ANKRD31: variants seen among roughly 807,000 people sequenced by gnomAD.
ANKRD31 encodes ankyrin repeat domain-containing protein 31.
In ANKRD31, 147 loss-of-function variants were observed where a neutral mutation model predicts 186.0. That is an observed-to-expected ratio of 0.79 (90% CI 0.69 to 0.91). The LOEUF is 0.91. ANKRD31 is among the 40% of genes least tolerant of loss of function. The pLI is 0.00. For synonymous variants in ANKRD31, 673 were observed against 736.4 expected, an observed-to-expected ratio of 0.91 and a Z score of 1.39; for missense variants, 1,986 against 2,148.8, an observed-to-expected ratio of 0.92 and a Z score of 1.50.
intron 17 of ANKRD31, 26 bp downstream of exon 17, chr5:75,137,830 A>G (rs1259031567): frequency 1.4e-6 from 2 of 1,396,546 alleles, no homozygotes; most frequent in African/African-American, 1.5e-5. Flanking sequence ...AAAAGTAGTA[A>G]GATCTTAATG....
At chr5:75,204,285 T>C (rs1487044759) in intron 5 of ANKRD31, among the ~76,000 whole-genome samples, 1 of 152,222 alleles carries the variant, frequency 6.6e-6, no homozygotes, top group African/African-American at 2.4e-5. Context: ...TTAAAGTAAT[T>C]CTTATTCTGA....
chr5:75,225,512 T>A (rs967496423), intron 2 of ANKRD31: 1 of 290,422 alleles, frequency 3.4e-6, no homozygotes. Flanking sequence ...TTAGGAGTCA[T>A]ACACCACTTA....
In ANKRD31 at chr5:75,155,993, G is replaced by A. The variant is rs376753747; in HGVS notation, c.1708-1648C>T. Among the ~76,000 whole-genome samples, 48 of 151,700 alleles carry A rather than the reference G, an allele frequency of 3.2e-4. No individual in the cohort carries two copies. In the East Asian group the frequency reaches 7.8e-3, roughly 25 times the overall value. ...ATGATCTTAGCTCACTGCAACCTCT[G>A]CCTCCCGGGTTCAATCAATTCTTGT... On this transcript the variant is annotated intron_variant, in intron 11 of 25. Coordinates refer to ENST00000506364, the MANE Select transcript of ANKRD31 (RefSeq NM_001372053.1).
rs1017176473 is a variant in ANKRD31 at position 75,236,574 on chromosome 5, G to T, written c.104+9C>A. 1 of 1,536,206 alleles carries T rather than the reference G, an allele frequency of 6.5e-7. No individual in the cohort carries two copies. The stretch of plus-strand genomic sequence containing the variant: ...AGGGTTCAGGCACTGTGGCCCTAAT[G>T]ATGGTCACCTTCTCCAGGGCAGCTC... On this transcript the variant is annotated intron_variant, in intron 1 of 25. Coordinates refer to ENST00000506364, the MANE Select transcript of ANKRD31 (RefSeq NM_001372053.1).
intron 25 of ANKRD31, among the ~76,000 whole-genome samples, chr5:75,077,257 G>A (rs1346713517): frequency 6.6e-6 from 1 of 152,020 alleles, no homozygotes. Flanking sequence ...TTAAAATAGA[G>A]ACCGGGTCTC....
Position 75,107,511 on chromosome 5 carries a change from T to G in ANKRD31, c.4340+10A>C. On this transcript the variant is annotated intron_variant, in intron 21 of 25. Coordinates refer to ENST00000506364, the MANE Select transcript of ANKRD31 (RefSeq NM_001372053.1). ...TCAAAAGCACTCTTTTTTTTTCTTT[T>G]TCTACTCACCTGTATTTTTTAGCCA... 1 of 1,485,888 alleles carries G rather than the reference T, an allele frequency of 6.7e-7. No homozygotes were observed. The highest frequency in any genetic ancestry group is 9.0e-7 in the Non-Finnish European group (1 of 1,114,836). The allele number at this position is 1,485,888 out of a possible 1,614,324, so 92.0% of individuals were successfully genotyped here. A position where few individuals can be genotyped will look rare whatever the true frequency, so the allele number is the denominator to read the frequency against.
At chr5:75,090,213 C>T (rs945516979) in intron 23 of ANKRD31, among the ~76,000 whole-genome samples, 1 of 152,136 alleles carries the variant, frequency 6.6e-6, no homozygotes, top group Non-Finnish European at 1.5e-5. Context: ...GGGGCTAAGA[C>T]GAACTGAAAG....
chr5:75,190,177 G>A (rs533919224), intron 9 of ANKRD31, among the ~76,000 whole-genome samples: 1 of 151,846 alleles, frequency 6.6e-6, no homozygotes, highest in African/African-American at 2.4e-5. Flanking sequence ...ATACCACCAT[G>A]CCCAGCTAAT....
intron 10 of ANKRD31, among the ~76,000 whole-genome samples, chr5:75,170,865 G>T (rs1753262605): frequency 6.6e-6 from 1 of 151,990 alleles, no homozygotes; most frequent in Admixed American, 6.6e-5. Context: ...TCAAGATAAA[G>T]TATATTACCA....
intron 3 of ANKRD31, among the ~76,000 whole-genome samples, chr5:75,221,785 C>T (rs1757319952): frequency 6.9e-6 from 1 of 144,148 alleles, no homozygotes; most frequent in Non-Finnish European, 1.5e-5. Flanking sequence ...TGATGACCCA[C>T]TTGCACTTAA....
chr5:75,231,616 C>T lies in ANKRD31; in HGVS notation c.105-981G>A, dbSNP rs116780154. Among the ~76,000 whole-genome samples, 885 of 152,060 alleles carry T rather than the reference C, an allele frequency of 5.8e-3. 9 individuals carry two copies. Among genetic ancestry groups the T allele is most frequent in the African/African-American group, 0.02 (819 of 41,456 alleles). The stretch of plus-strand genomic sequence containing the variant: ...ACTTGAATAGACATTTCTGCAAAAA[C>T]GAAATACAAATAGCCAACAAGTACA... On this transcript the variant is annotated intron_variant, in intron 1 of 25. Coordinates refer to ENST00000506364, the MANE Select transcript of ANKRD31 (RefSeq NM_001372053.1).
At chr5:75,080,688 T>C in intron 24 of ANKRD31, 49 bp from the exon 25 acceptor site, 4 of 1,257,524 alleles carry the variant, frequency 3.2e-6, no homozygotes, top group Non-Finnish European at 4.3e-6. Flanking sequence ...ATTAGGGGAC[T>C]GCTCTGGTCA....
chr5:75,152,607 T>A (rs1175909290), intron 12 of ANKRD31, among the ~76,000 whole-genome samples: 1 of 151,964 alleles, frequency 6.6e-6, no homozygotes, highest in Non-Finnish European at 1.5e-5. Flanking sequence ...AGAATTTGTT[T>A]TTGTTTTTGT....
chr5:75,071,504 T>C (rs1048240754), intron 25 of ANKRD31, among the ~76,000 whole-genome samples: 4 of 150,086 alleles, frequency 2.7e-5, no homozygotes, highest in African/African-American at 9.7e-5. Flanking sequence ...TTTGTTTTTT[T>C]TTTTTTTTGA....
intron 23 of ANKRD31, among the ~76,000 whole-genome samples, chr5:75,085,900 C>T (rs953999876): frequency 6.6e-6 from 1 of 152,174 alleles, no homozygotes; most frequent in African/African-American, 2.4e-5. Context: ...TCTAGGGGAT[C>T]TTAAAGGTAC....
intron 21 of ANKRD31, 126 bp from the exon 22 acceptor site, chr5:75,105,344 T>G: frequency 9.6e-7 from 1 of 1,044,828 alleles, no homozygotes; most frequent in Non-Finnish European, 1.3e-6. Flanking sequence ...AAACTATGCC[T>G]GTGCAATTTA....
intron 10 of ANKRD31, among the ~76,000 whole-genome samples, chr5:75,188,242 G>A (rs192430758): frequency 4.1e-4 from 62 of 152,232 alleles, no homozygotes; most frequent in Middle Eastern, 3.4e-3. Context: ...CCTTCTGGAT[G>A]CCACTGCACA....
intron 10 of ANKRD31, among the ~76,000 whole-genome samples, chr5:75,185,178 A>G (rs1754616380): frequency 6.6e-6 from 1 of 152,200 alleles, no homozygotes; most frequent in Non-Finnish European, 1.5e-5. Flanking sequence ...AGAAACAGTG[A>G]ATAGAATAGT....
intron 11 of ANKRD31, among the ~76,000 whole-genome samples, chr5:75,161,750 C>T (rs1752584227): frequency 6.6e-6 from 1 of 152,198 alleles, no homozygotes; most frequent in African/African-American, 2.4e-5. Flanking sequence ...AACCTAGGGA[C>T]TTGGTGCCCT....
Sources: gnomAD v4.1 joint callset for allele counts (sites outside exome capture counted in the v4.1 genomes callset) on GRCh38, gnomAD v4.1.1 for gene constraint, MANE v1.5 for transcripts, NCBI Gene and HGNC (gene_info 2026-07-23, HGNC 2026-07-21) for gene names.